The following RAP2A variants were observed in gnomAD, a reference collection of about 807,000 sequenced individuals.
RAP2A encodes RAP2A, member of RAS oncogene family.
RAP2A carries 5 observed loss-of-function variants against 15.1 expected under a neutral mutation model. The observed-to-expected ratio is 0.33, with a 90% CI of 0.17 to 0.70. The LOEUF (loss-of-function observed/expected upper bound fraction) is 0.70. RAP2A is among the 30% of genes least tolerant of loss of function. The probability of loss-of-function intolerance (pLI) is 0.68; values close to 1 mark genes in which losing one functional copy is unlikely to be tolerated. For synonymous variants in RAP2A, 110 were observed against 99.7 expected (o/e 1.10, Z -0.62); for missense variants, 111 against 240.3 (o/e 0.46, Z 3.56).
In RAP2A at chr13:97,444,862, CTT is replaced by C. The variant is rs1180187608; in HGVS notation, c.314+10079_314+10080del. ...TATATAATCGCCTTTTTGTATATGT[CTT>C]AGTCTCTTCAGGCTGCTATAACAAA... On this transcript the variant is annotated intron_variant, in intron 1 of 1. Transcript: ENST00000245304. Among the ~76,000 whole-genome samples, 6 of 152,226 alleles carry C rather than the reference CTT, an allele frequency of 3.9e-5. No individual in the cohort carries two copies. In the East Asian group the frequency reaches 5.8e-4, roughly 15 times the overall value.
rs2066760270 is a variant in RAP2A at position 97,464,261 on chromosome 13, G to A, written c.371G>A (p.Arg124Lys). 6.2e-7 allele frequency: 1 copy of A among 1,614,134 alleles called. No individual in the cohort carries two copies. The highest frequency in any genetic ancestry group is 8.5e-7 in the Non-Finnish European group (1 of 1,180,052). The change falls in exon 2 of 2, where the codon AGA (arginine) becomes AAA (lysine). Residue 124 changes from arginine to lysine, a missense_variant. This residue lies in a region of RAP2A where 74 missense variants were observed against 132.3 expected (regional missense o/e 0.56). Coordinates refer to ENST00000245304, the MANE Select transcript of RAP2A (RefSeq NM_021033.7). ...AACAAAGTGGACCTGGAAAGTGAGAGAGAAGTATCGTCCAGCGAAGGCAGA... is the reference window on the plus strand; with the variant it reads ...AACAAAGTGGACCTGGAAAGTGAGAAAGAAGTATCGTCCAGCGAAGGCAGA... ...VGNKVDLESE[R>K]EVSSSEGRAL...
At chr13:97,463,620 T>G (rs1416829848) in intron 1 of RAP2A, among the ~76,000 whole-genome samples, 7 of 152,200 alleles carry the variant, frequency 4.6e-5, no homozygotes, top group African/African-American at 1.7e-4. Context: ...AGAACGAACA[T>G]GATCATTTTT....
intron 1 of RAP2A, among the ~76,000 whole-genome samples, chr13:97,455,802 C>T (rs1435840930): frequency 1.3e-5 from 2 of 151,498 alleles, no homozygotes; most frequent in African/African-American, 2.4e-5. Flanking sequence ...CTTTTCTCCT[C>T]TCTGGAGGGA....
At chr13:97,439,309 C>G (rs2066646970) in intron 1 of RAP2A, among the ~76,000 whole-genome samples, 1 of 152,144 alleles carries the variant, frequency 6.6e-6, no homozygotes, top group African/African-American at 2.4e-5. Flanking sequence ...TAATAGACTA[C>G]TCTGTTTCAT....
chr13:97,456,936 G>T (rs1265892543), intron 1 of RAP2A, among the ~76,000 whole-genome samples: 1 of 152,150 alleles, frequency 6.6e-6, no homozygotes, highest in East Asian at 1.9e-4. Flanking sequence ...CTTACAAGCA[G>T]TATTGATGTT....
chr13:97,448,639 T>G (rs1254955073), intron 1 of RAP2A, among the ~76,000 whole-genome samples: 1 of 152,196 alleles, frequency 6.6e-6, no homozygotes, highest in Non-Finnish European at 1.5e-5. Context: ...GATCCAGCTC[T>G]CTCTTGTGGT....
At chr13:97,438,442 C>T (rs1305340360) in intron 1 of RAP2A, among the ~76,000 whole-genome samples, 9 of 152,278 alleles carry the variant, frequency 5.9e-5, no homozygotes, top group South Asian at 4.1e-4. Flanking sequence ...ATTCCTACTC[C>T]GTCTTTCACC....
intron 1 of RAP2A, 30 bp from the exon 2 acceptor site, chr13:97,464,175 T>C (rs1188459210): frequency 1.2e-6 from 2 of 1,603,998 alleles, no homozygotes; most frequent in Non-Finnish European, 1.7e-6. Flanking sequence ...ACTGTTACAA[T>C]GTATGTGTGT....
intron 1 of RAP2A, among the ~76,000 whole-genome samples, chr13:97,457,247 G>A (rs747021220): frequency 1.1e-4 from 16 of 150,480 alleles, no homozygotes; most frequent in Non-Finnish European, 4.4e-5. Context: ...ACACGTGAGA[G>A]ATATATATAT....
In RAP2A at chr13:97,457,681, T is replaced by G. The variant is rs1158749735; in HGVS notation, c.315-6524T>G. Among the ~76,000 whole-genome samples the G allele has an allele frequency of 1.6e-4, 24 of 152,098 alleles. 1 individual carries two copies. Among genetic ancestry groups the G allele is most frequent in the Admixed American group, 1.6e-3 (24 of 15,264 alleles). The stretch of plus-strand genomic sequence containing the variant: ...GCTACCAAATATAATTGGTATAATC[T>G]CTTTTTATAAAAGCTATAGGTATAC... On this transcript the variant is annotated intron_variant, in intron 1 of 1. Transcript: ENST00000245304.
intron 1 of RAP2A, among the ~76,000 whole-genome samples, chr13:97,455,115 T>C (rs902103890): frequency 2.0e-5 from 3 of 151,470 alleles, no homozygotes; most frequent in East Asian, 1.9e-4. Flanking sequence ...TTTTTCAATC[T>C]TTTTTCTCTC....
At position 97,466,252 on chromosome 13, in the gene RAP2A, A is replaced by G. The variant is rs1448331731; in HGVS notation, c.*1810A>G. The G allele has an allele frequency of 1.3e-5, 2 of 152,150 alleles. No individual in the cohort carries two copies. Among genetic ancestry groups the G allele is most frequent in the South Asian group, 4.1e-4 (2 of 4,828 alleles). The allele number at this position is 152,150 out of a possible 1,614,324, so 9.4% of individuals were successfully genotyped here. A position where few individuals can be genotyped will look rare whatever the true frequency, so the allele number is the denominator to read the frequency against. ...TGATAGTATTTTTCATAATGAAAAA[A>G]CTGAAGAGATACGTGAATGAAACCA... On this transcript the variant is annotated 3_prime_UTR_variant, in exon 2 of 2. Coordinates refer to ENST00000245304, the MANE Select transcript of RAP2A (RefSeq NM_021033.7).
chr13:97,439,397 C>G (rs377003901), intron 1 of RAP2A, among the ~76,000 whole-genome samples: 24 of 152,070 alleles, frequency 1.6e-4, no homozygotes, highest in Non-Finnish European at 2.8e-4. Context: ...AGCATGGTGT[C>G]TGTAGTAACA....
chr13:97,456,550 T>C (rs1417130970), intron 1 of RAP2A, among the ~76,000 whole-genome samples: 2 of 152,174 alleles, frequency 1.3e-5, no homozygotes, highest in African/African-American at 2.4e-5. Flanking sequence ...AGTTGGTCCA[T>C]TGTGGACCAG....
At position 97,467,325 on chromosome 13, in the gene RAP2A, A is replaced by T. The variant is rs2066776423; in HGVS notation, c.*2883A>T. On this transcript the variant is annotated 3_prime_UTR_variant, in exon 2 of 2. Coordinates refer to ENST00000245304, the MANE Select transcript of RAP2A (RefSeq NM_021033.7). ...ATTACATAAAATATTTTCTTAAACT[A>T]TTGAAAGGTGCTTTGATGATTTTCT... The T allele has an allele frequency of 6.6e-6, 1 of 152,622 alleles. No individual in the cohort carries two copies. Among genetic ancestry groups the T allele is most frequent in the Non-Finnish European group, 1.5e-5 (1 of 68,032 alleles). The allele number at this position is 152,622 out of a possible 1,614,324, so 9.5% of individuals were successfully genotyped here. A position where few individuals can be genotyped will look rare whatever the true frequency, so the allele number is the denominator to read the frequency against.
At chr13:97,457,943 T>C (rs987252427) in intron 1 of RAP2A, among the ~76,000 whole-genome samples, 1 of 152,162 alleles carries the variant, frequency 6.6e-6, no homozygotes, top group Non-Finnish European at 1.5e-5. Flanking sequence ...CTAGAATCTA[T>C]GAGAAGAAGG....
At chr13:97,434,885 G>T (rs1354873211) in intron 1 of RAP2A, 101 bp downstream of exon 1, 39 of 1,491,322 alleles carry the variant, frequency 2.6e-5, no homozygotes, top group Non-Finnish European at 3.4e-5. Flanking sequence ...CTTTCTGGGG[G>T]GTGGCTCCAA....
At position 97,466,381 on chromosome 13, in the gene RAP2A, T is replaced by A. The variant is rs1006879645; in HGVS notation, c.*1939T>A. On this transcript the variant is annotated 3_prime_UTR_variant, in exon 2 of 2. Transcript: ENST00000245304. ...CCACCTTGTTTATAGGACAAAAAAA[T>A]TTAACCAATTTTATTGAAACGAATT... 1 of 152,184 alleles carries A rather than the reference T, an allele frequency of 6.6e-6. No individual in the cohort carries two copies. The highest frequency in any genetic ancestry group is 6.5e-5 in the Admixed American group (1 of 15,272). 9.4% of individuals were successfully genotyped at this position (152,184 alleles called of 1,614,324 possible).
chr13:97,455,325 A>G (rs1039086790), intron 1 of RAP2A, among the ~76,000 whole-genome samples: 1 of 151,512 alleles, frequency 6.6e-6, no homozygotes, highest in Non-Finnish European at 1.5e-5. Context: ...GAGCATGGTT[A>G]TAATTGCTTC....
Sources: allele counts gnomAD v4.1 joint callset (sites outside exome capture counted in the v4.1 genomes callset), GRCh38; gene constraint gnomAD v4.1.1; regional missense constraint gnomAD v4.1.1; transcripts MANE v1.5; gene names NCBI Gene and HGNC (gene_info 2026-07-23, HGNC 2026-07-21).